LNPEP: variants seen among roughly 807,000 people sequenced by gnomAD.
LNPEP encodes leucyl and cystinyl aminopeptidase.
LNPEP carries 64 observed loss-of-function variants against 120.6 expected under a neutral mutation model. The observed-to-expected ratio is 0.53, with a 90% CI of 0.43 to 0.65. The LOEUF (loss-of-function observed/expected upper bound fraction) is 0.65, where lower values mean the gene tolerates loss of function less well. Ranked by LOEUF, LNPEP falls within the 30% of genes least tolerant of loss-of-function variation. The probability of loss-of-function intolerance (pLI) is 0.00; values close to 1 mark genes in which losing one functional copy is unlikely to be tolerated. For missense variants in LNPEP, 1,057 were observed against 1,200.0 expected (o/e 0.88, Z 1.76); for synonymous variants, 435 against 425.4 (o/e 1.02, Z -0.28).
At chr5:96,967,303 A>G (rs1222867008) in intron 1 of LNPEP, among the ~76,000 whole-genome samples, 2 of 151,084 alleles carry the variant, frequency 1.3e-5, no homozygotes, top group Non-Finnish European at 3.0e-5. Flanking sequence ...TAGCCTGGCT[A>G]TTATTATTAT....
At chr5:96,962,310 T>C (rs1446280386) in intron 1 of LNPEP, among the ~76,000 whole-genome samples, 1 of 152,240 alleles carries the variant, frequency 6.6e-6, no homozygotes, top group Non-Finnish European at 1.5e-5. Flanking sequence ...GGAACTTGGC[T>C]CTGCTACTTA....
chr5:96,976,467 A>G (rs952695356), intron 1 of LNPEP, among the ~76,000 whole-genome samples: 7 of 152,174 alleles, frequency 4.6e-5, no homozygotes, highest in Non-Finnish European at 8.8e-5. Flanking sequence ...GTCAAACTGT[A>G]GAATATCTCT....
At position 96,968,114 on chromosome 5, in the gene LNPEP, A is replaced by T. The variant is rs116640799; in HGVS notation, c.20-11024A>T. On this transcript the variant is annotated intron_variant, in intron 1 of 17. Transcript: ENST00000231368. ...CAATATTTCATCCTAAATGTGAAAG[A>T]CTGTATAGGCAAATAGTGTGCATAA... is the stretch of plus-strand genomic sequence containing the variant. Among the ~76,000 whole-genome samples the T allele has an allele frequency of 7.7e-3, 1,172 of 152,188 alleles. 17 individuals carry two copies. The highest frequency in any genetic ancestry group is 0.027 in the African/African-American group (1,103 of 41,540).
Position 97,006,435 on chromosome 5 carries a change from G to T in LNPEP, c.1955G>T (p.Trp652Leu). ...EIQPSDTSYL[W>L]HIPLSYVTEG... ...ATGTTTTCTCTTTACAGCTACCTGT[G>T]GCATATTCCACTATCCTATGTCACT... Residue 652 changes from tryptophan to leucine, a missense_variant, in exon 11 of 18, where the codon TGG becomes TTG. Physicochemically the swap from Trp to Leu is moderately conservative, Grantham distance 61. Coordinates refer to ENST00000231368, the MANE Select transcript of LNPEP (RefSeq NM_005575.3). 1 of 1,562,914 alleles carries T rather than the reference G, an allele frequency of 6.4e-7. No individual in the cohort carries two copies. Among genetic ancestry groups the T allele is most frequent in the African/African-American group, 1.4e-5 (1 of 73,256 alleles).
chr5:96,995,656 G>A (rs1459567805), intron 6 of LNPEP, among the ~76,000 whole-genome samples: 3 of 151,930 alleles, frequency 2.0e-5, no homozygotes, highest in African/African-American at 7.3e-5. Flanking sequence ...ATCCTCCCGA[G>A]TAGCTAGGCC....
At chr5:96,995,320 G>A (rs996906061) in intron 6 of LNPEP, among the ~76,000 whole-genome samples, 7 of 151,960 alleles carry the variant, frequency 4.6e-5, no homozygotes, top group Non-Finnish European at 7.4e-5. Context: ...CAGTAACCTC[G>A]TCCTTTCGCT....
intron 3 of LNPEP, among the ~76,000 whole-genome samples, chr5:96,985,661 C>G (rs532857423): frequency 6.6e-6 from 1 of 152,012 alleles, no homozygotes; most frequent in South Asian, 2.1e-4. Flanking sequence ...ACAGGAGCCT[C>G]TTTCTTAGAT....
chr5:97,031,547 CAGTATT>C lies in LNPEP; in HGVS notation c.*3016_*3021del, dbSNP rs1791469681. 6.6e-6 allele frequency: 1 copy of C among 152,160 alleles called. No individual in the cohort carries two copies. Among genetic ancestry groups the C allele is most frequent in the Non-Finnish European group, 1.5e-5 (1 of 68,032 alleles). 9.4% of individuals were successfully genotyped at this position (152,160 alleles called of 1,614,324 possible). A position where few individuals can be genotyped will look rare whatever the true frequency, so the allele number is the denominator to read the frequency against. On this transcript the variant is annotated 3_prime_UTR_variant, in exon 18 of 18. Coordinates refer to ENST00000231368, the MANE Select transcript of LNPEP (RefSeq NM_005575.3). ...GTGTACAGAGCAAATCAAGCTGCAT[CAGTATT>C]ATAGGATACCAAACAGAATCCTTTC...
At chr5:97,024,421 T>C in intron 14 of LNPEP, 100 bp from the exon 15 acceptor site, 1 of 1,098,300 alleles carries the variant, frequency 9.1e-7, no homozygotes, top group Non-Finnish European at 1.3e-6. Flanking sequence ...CTTGTTATTA[T>C]TACCAACCCT....
rs1790449697 is a variant in LNPEP at position 96,993,919 on chromosome 5, T to C, written c.1355T>C (p.Met452Thr). 1 of 1,613,894 alleles carries C rather than the reference T, an allele frequency of 6.2e-7. No homozygotes were observed. Among genetic ancestry groups the C allele is most frequent in the Non-Finnish European group, 8.5e-7 (1 of 1,179,822 alleles). The part of the protein sequence containing the change: ...TLLYDSNTSS[M>T]ADRKLVTKII... ...CTGTATGACAGTAACACTTCTTCAA[T>C]GGCGGATAGAAAGCTGGTGACTAAA... The change falls in exon 6 of 18, where the codon ATG (methionine) becomes ACG (threonine). Residue 452 changes from methionine to threonine, a missense_variant. Physicochemically the swap from Met to Thr is moderately conservative, Grantham distance 81. Transcript: ENST00000231368.
At chr5:96,996,229 C>T in intron 6 of LNPEP, 161 bp from the exon 7 acceptor site, 1 of 467,112 alleles carries the variant, frequency 2.1e-6, no homozygotes. Context: ...TTTGTAAGTT[C>T]TAAATTAATT....
intron 7 of LNPEP, among the ~76,000 whole-genome samples, chr5:96,997,640 T>C (rs539075061): frequency 2.6e-5 from 4 of 152,222 alleles, no homozygotes; most frequent in African/African-American, 9.6e-5. Flanking sequence ...GACCAGTTTT[T>C]GTTCTTTCTC....
intron 1 of LNPEP, among the ~76,000 whole-genome samples, chr5:96,955,186 G>C (rs905888855): frequency 6.6e-6 from 1 of 151,896 alleles, no homozygotes; most frequent in African/African-American, 2.4e-5. Flanking sequence ...TGATATTATA[G>C]GTAAGTTTAT....
Position 97,033,514 on chromosome 5 carries a change from A to C in LNPEP, c.*4981A>C, listed in dbSNP as rs974578713. 1 of 152,022 alleles carries C rather than the reference A, an allele frequency of 6.6e-6. No individual in the cohort carries two copies. The highest frequency in any genetic ancestry group is 2.4e-5 in the African/African-American group (1 of 41,392). 9.4% of individuals were successfully genotyped at this position (152,022 alleles called of 1,614,324 possible). A position where few individuals can be genotyped will look rare whatever the true frequency, so the allele number is the denominator to read the frequency against. ...AAGATTTTTTGCTAGGAGAGAGAAA[A>C]TTTTTTGCTAGGAGAGGTTTCAAGG... On this transcript the variant is annotated 3_prime_UTR_variant, in exon 18 of 18. Coordinates refer to ENST00000231368, the MANE Select transcript of LNPEP (RefSeq NM_005575.3).
chr5:97,008,337 G>GTTTTTTTTT lies in LNPEP; in HGVS notation c.2035+1845_2035+1853dup, dbSNP rs781727347. ...TTGATTTTTTTGTTTGTTTTTTCTT[G>GTTTTTTTTT]TTTTTTTTTTTTTTTTTTTTTTTTT... On this transcript the variant is annotated intron_variant, in intron 11 of 17. Transcript: ENST00000231368. 1.9e-3 allele frequency among the ~76,000 whole-genome samples: 115 copies of GTTTTTTTTT among 59,840 alleles called. 10 individuals are homozygous for GTTTTTTTTT. The highest frequency in any genetic ancestry group is 2.5e-3 in the African/African-American group (33 of 13,354). 39.3% of individuals were successfully genotyped at this position (59,840 alleles called of 152,430 possible).
intron 1 of LNPEP, among the ~76,000 whole-genome samples, chr5:96,967,594 T>C (rs1789760756): frequency 6.6e-6 from 1 of 152,048 alleles, no homozygotes; most frequent in African/African-American, 2.4e-5. Context: ...TCAGATCCCA[T>C]AGTCACTGAA....
At chr5:97,010,613 G>T in intron 11 of LNPEP, 1 of 985,182 alleles carries the variant, frequency 1.0e-6, no homozygotes, top group Non-Finnish European at 1.2e-6. Flanking sequence ...TTGTAAAACA[G>T]TAGTTGATTT....
intron 1 of LNPEP, among the ~76,000 whole-genome samples, chr5:96,960,275 T>C (rs929697685): frequency 2.6e-5 from 4 of 152,200 alleles, no homozygotes; most frequent in African/African-American, 9.7e-5. Flanking sequence ...ATTGACTTTA[T>C]TAAATAAATA....
intron 7 of LNPEP, 75 bp from the exon 8 acceptor site, chr5:96,997,939 A>G: frequency 1.9e-6 from 2 of 1,074,124 alleles, no homozygotes; most frequent in Non-Finnish European, 1.3e-6. Context: ...AATTAGTCTA[A>G]TTCACATAAA....
Sources: allele counts gnomAD v4.1 joint callset (sites outside exome capture counted in the v4.1 genomes callset), GRCh38; gene constraint gnomAD v4.1.1; transcripts MANE v1.5; gene names NCBI Gene and HGNC (gene_info 2026-07-23, HGNC 2026-07-21).